DLG2: variants seen among roughly 807,000 people sequenced by gnomAD.
The protein encoded by DLG2 is discs large MAGUK scaffold protein 2.
DLG2 carries 45 observed loss-of-function variants against 132.5 expected under a neutral mutation model. The ratio of observed to expected loss-of-function variants is 0.34; its 90% CI spans 0.27 to 0.44. DLG2 has a LOEUF of 0.44. Ranked by LOEUF, DLG2 falls within the 20% of genes least tolerant of loss-of-function variation. DLG2 has a pLI of 1.00. For missense variants in DLG2, 1,045 were observed against 1,196.9 expected (o/e 0.87, Z 1.87); for synonymous variants, 424 against 419.6 (o/e 1.01, Z -0.13).
intron 6 of DLG2, among the ~76,000 whole-genome samples, chr11:84,615,825 A>AAAAAAAAAAAC (rs1371212688): frequency 1.4e-5 from 2 of 144,468 alleles, no homozygotes; most frequent in East Asian, 3.9e-4. Context: ...CGGTAAAAAA[A>AAAAAAAAAAAC]AAAAAAAAAA....
chr11:85,573,495 T>C (rs2077968432), intron 3 of DLG2, among the ~76,000 whole-genome samples: 1 of 152,186 alleles, frequency 6.6e-6, no homozygotes, highest in Admixed American at 6.6e-5. Context: ...TAAGTGTTAA[T>C]GAGTCAGAGT....
chr11:83,505,031 G>A (rs1315153996), intron 21 of DLG2, among the ~76,000 whole-genome samples: 1 of 152,144 alleles, frequency 6.6e-6, no homozygotes, highest in South Asian at 2.1e-4. Flanking sequence ...GCTGTGTGGG[G>A]TGTGTGTAAC....
chr11:84,702,847 T>C (rs1034606635), intron 6 of DLG2, among the ~76,000 whole-genome samples: 1 of 151,668 alleles, frequency 6.6e-6, no homozygotes, highest in African/African-American at 2.4e-5. Flanking sequence ...TCTTCATCAT[T>C]GCCTTCTCAG....
At chr11:84,792,489 T>C (rs1260811385) in intron 6 of DLG2, among the ~76,000 whole-genome samples, 1 of 152,148 alleles carries the variant, frequency 6.6e-6, no homozygotes, top group African/African-American at 2.4e-5. Context: ...TGGAATACTT[T>C]GAGTAGAATT....
chr11:85,174,235 A>G (rs1004196100), intron 4 of DLG2, among the ~76,000 whole-genome samples: 2 of 152,204 alleles, frequency 1.3e-5, no homozygotes, highest in African/African-American at 2.4e-5. Flanking sequence ...AACACCCTTC[A>G]GTAAATGCCT....
At chr11:84,005,402 A>G (rs904698793) in intron 11 of DLG2, among the ~76,000 whole-genome samples, 3 of 152,052 alleles carry the variant, frequency 2.0e-5, no homozygotes, top group Non-Finnish European at 4.4e-5. Context: ...CTCACAGAAG[A>G]AAACAAAGGG....
At chr11:85,462,571 T>C (rs2092651875) in intron 3 of DLG2, among the ~76,000 whole-genome samples, 1 of 151,852 alleles carries the variant, frequency 6.6e-6, no homozygotes, top group Non-Finnish European at 1.5e-5. Context: ...AAACACCGCA[T>C]GTTCTCACTC....
intron 21 of DLG2, among the ~76,000 whole-genome samples, chr11:83,505,818 A>AG (rs1349461326): frequency 6.6e-6 from 1 of 152,184 alleles, no homozygotes; most frequent in African/African-American, 2.4e-5. Flanking sequence ...GTAGTGCTGC[A>AG]GCTGTCCACT....
chr11:84,488,871 A>G (rs2099157544), intron 7 of DLG2, among the ~76,000 whole-genome samples: 1 of 152,164 alleles, frequency 6.6e-6, no homozygotes, highest in South Asian at 2.1e-4. Context: ...TGTAGAATTG[A>G]TCCAATAAAC....
intron 6 of DLG2, among the ~76,000 whole-genome samples, chr11:84,684,162 G>A (rs966805676): frequency 2.0e-5 from 3 of 152,060 alleles, no homozygotes; most frequent in Non-Finnish European, 2.9e-5. Context: ...TTTCTACTTT[G>A]GCTACAATAT....
At chr11:83,828,609 C>T (rs1358974958) in intron 17 of DLG2, among the ~76,000 whole-genome samples, 2 of 152,158 alleles carry the variant, frequency 1.3e-5, no homozygotes, top group Non-Finnish European at 2.9e-5. Flanking sequence ...CTATTACAAT[C>T]CTGCTGTTTC....
chr11:84,450,659 A>G (rs1430140030), intron 7 of DLG2, among the ~76,000 whole-genome samples: 2 of 151,752 alleles, frequency 1.3e-5, no homozygotes, highest in Non-Finnish European at 3.0e-5. Flanking sequence ...TAAAAGAAAC[A>G]TTATTTCTTA....
chr11:84,448,502 T>C (rs3802894), intron 7 of DLG2, among the ~76,000 whole-genome samples: 65,966 of 151,954 alleles, frequency 0.43, 19,853 homozygotes, highest in African/African-American at 0.86. Flanking sequence ...GTTTCCCCAA[T>C]GTGCTCTATA....
intron 11 of DLG2, among the ~76,000 whole-genome samples, chr11:84,056,301 A>T (rs771595201): frequency 3.3e-5 from 5 of 152,034 alleles, no homozygotes; most frequent in Admixed American, 6.6e-5. Flanking sequence ...TTCAACTCCC[A>T]CGACTGAGAC....
intron 24 of DLG2, among the ~76,000 whole-genome samples, chr11:83,471,239 A>G (rs2091984187): frequency 6.6e-6 from 1 of 152,084 alleles, no homozygotes; most frequent in African/African-American, 2.4e-5. Context: ...GAGGATTTTA[A>G]TATATGGCTT....
chr11:83,707,221 C>T (rs1332493981), intron 18 of DLG2, among the ~76,000 whole-genome samples: 1 of 152,144 alleles, frequency 6.6e-6, no homozygotes, highest in African/African-American at 2.4e-5. Flanking sequence ...TATAAGCATC[C>T]AAACTTCTCC....
At chr11:83,712,798 C>A (rs1566656884) in intron 18 of DLG2, among the ~76,000 whole-genome samples, 1 of 151,872 alleles carries the variant, frequency 6.6e-6, no homozygotes, top group Non-Finnish European at 1.5e-5. Context: ...ACAACACACA[C>A]TGGGGGCTGT....
intron 9 of DLG2, among the ~76,000 whole-genome samples, chr11:84,144,507 A>G (rs1047775537): frequency 2.0e-5 from 3 of 152,136 alleles, no homozygotes; most frequent in Non-Finnish European, 2.9e-5. Flanking sequence ...CAGGGTATCA[A>G]TTGGCCTAAA....
At chr11:83,864,132 T>C (rs1459074891) in intron 16 of DLG2, among the ~76,000 whole-genome samples, 2 of 152,192 alleles carry the variant, frequency 1.3e-5, no homozygotes, top group African/African-American at 4.8e-5. Flanking sequence ...TGCAACTTCT[T>C]TAGTTTAAAG....
Sources: allele counts gnomAD v4.1 joint callset (sites outside exome capture counted in the v4.1 genomes callset), GRCh38; gene constraint gnomAD v4.1.1; transcripts MANE v1.5; gene names NCBI Gene and HGNC (gene_info 2026-07-23, HGNC 2026-07-21).